The following CLCNKA variants were observed in gnomAD, a reference collection of about 807,000 sequenced individuals.
CLCNKA encodes the protein chloride voltage-gated channel Ka, also known as chloride channel protein ClC-Ka.
Under a neutral mutation model 83.3 loss-of-function variants are expected in CLCNKA, and 66 were observed. The ratio of observed to expected loss-of-function variants is 0.79; its 90% CI spans 0.65 to 0.97. The LOEUF is 0.97. Among genes scored for constraint, CLCNKA ranks in the 50% least tolerant of loss-of-function variants. CLCNKA has a pLI of 0.00. For missense variants in CLCNKA, 806 were observed against 888.7 expected (o/e 0.91, Z 1.18); for synonymous variants, 357 against 370.4 (o/e 0.96, Z 0.42).
chr1:16,022,100 TG>T (rs2022152075), intron 1 of CLCNKA, 37 bp downstream of exon 1: 1 of 152,886 alleles, frequency 6.5e-6, no homozygotes, highest in Non-Finnish European at 1.5e-5. Flanking sequence ...AGTATGAACC[TG>T]GAAGGGCCAG....
At chr1:16,031,203 C>A (rs536524243) in intron 15 of CLCNKA, among the ~76,000 whole-genome samples, 2 of 152,354 alleles carry the variant, frequency 1.3e-5, no homozygotes, top group East Asian at 1.9e-4. Flanking sequence ...CAAACACAAA[C>A]AAGCTGCTGC....
intron 17 of CLCNKA, 30 bp from the exon 18 acceptor site, chr1:16,032,413 C>A (rs1444827401): frequency 1.9e-6 from 3 of 1,592,954 alleles, no homozygotes; most frequent in Non-Finnish European, 2.6e-6. Context: ...GGAGGCCGGC[C>A]CTGCACCCAT....
At chr1:16,029,090 G>A (rs762839030) in intron 11 of CLCNKA, 36 bp from the exon 12 acceptor site, 6 of 1,602,080 alleles carry the variant, frequency 3.7e-6, no homozygotes, top group South Asian at 1.1e-5. Flanking sequence ...GCTGGGGGGG[G>A]CCCCTCATGT....
chr1:16,033,264 G>C lies in CLCNKA; in HGVS notation c.2016+8G>C, dbSNP rs760628466. On this transcript the variant is annotated splice_region_variant and intron_variant, in intron 19 of 19. Transcript: ENST00000331433. ...TGCGTGTCCTGGGTGGAGGTACCAGGGTCCCGGGGGCAGAGCAAAGCAGGG... is the reference window on the plus strand; with the variant it reads ...TGCGTGTCCTGGGTGGAGGTACCAGCGTCCCGGGGGCAGAGCAAAGCAGGG... 2 of 1,614,014 alleles carry C rather than the reference G, an allele frequency of 1.2e-6. No individual in the cohort carries two copies. The highest frequency in any genetic ancestry group is 1.1e-5 in the South Asian group (1 of 91,076).
At position 16,033,160 on chromosome 1, in the gene CLCNKA, C is replaced by T. The variant is rs1156930712; in HGVS notation, c.1930-10C>T. On this transcript the variant is annotated splice_polypyrimidine_tract_variant and intron_variant, in intron 18 of 19. Coordinates refer to ENST00000331433, the MANE Select transcript of CLCNKA (RefSeq NM_004070.4). ...TACCCTCCAGTGTTTCCTAACAATC[C>T]CCCATCCAGGCACAAAACCTCTTTA... 4 of 1,613,950 alleles carry T rather than the reference C, an allele frequency of 2.5e-6. No individual in the cohort carries two copies. The highest frequency in any genetic ancestry group is 2.5e-6 in the Non-Finnish European group (3 of 1,179,844).
chr1:16,025,051 C>T (rs2022294450), intron 4 of CLCNKA, among the ~76,000 whole-genome samples, 160 bp downstream of exon 4: 1 of 152,238 alleles, frequency 6.6e-6, no homozygotes, highest in African/African-American at 2.4e-5. Flanking sequence ...CAGATCTTGA[C>T]TCTTGGGTCA....
At position 16,029,562 on chromosome 1, in the gene CLCNKA, G is replaced by A. The variant is rs1172671617; in HGVS notation, c.1228-169G>A. Among the ~76,000 whole-genome samples the A allele has an allele frequency of 5.3e-5, 8 of 152,186 alleles. No homozygotes were observed. The East Asian group carries it at 1.5e-3, about 29-fold the overall frequency. On this transcript the variant is annotated intron_variant, in intron 12 of 19. Coordinates refer to ENST00000331433, the MANE Select transcript of CLCNKA (RefSeq NM_004070.4). The stretch of plus-strand genomic sequence containing the variant: ...CTGGCACAGTGCCAGGCATACAGTG[G>A]GCATTTCTCAGGGTGAGGACCCTCC...
chr1:16,030,003 G>A lies in CLCNKA; in HGVS notation c.1336G>A (p.Val446Ile), dbSNP rs552991562. 52 of 1,611,214 alleles carry A rather than the reference G, an allele frequency of 3.2e-5. No individual in the cohort carries two copies. The South Asian group carries it at 3.7e-4, about 12-fold the overall frequency. The change falls in exon 14 of 20, where the codon GTC becomes ATC. Residue 446 changes from valine to isoleucine, a missense_variant. Coordinates refer to ENST00000331433, the MANE Select transcript of CLCNKA (RefSeq NM_004070.4). ...IGRLLGEALAVAFPEGIVTGG... is the reference protein window; with the variant it reads ...IGRLLGEALAIAFPEGIVTGG... Reference sequence around the variant, plus strand: ...GCGCCTCTTGGGAGAGGCTCTTGCCGTCGCCTTCCCTGAGGGCATTGTGAC... The same window carrying A: ...GCGCCTCTTGGGAGAGGCTCTTGCCATCGCCTTCCCTGAGGGCATTGTGAC...
In CLCNKA at chr1:16,029,736, G is replaced by A. The variant is rs1326252609; in HGVS notation, c.1233G>A (p.Trp411Ter). Residue 411 changes from tryptophan (W) to a stop codon, truncating the protein, a stop_gained, in exon 13 of 20, where the codon TGG becomes TGA. Transcript: ENST00000331433. LOFTEE classifies it high-confidence loss of function. Reference sequence around the variant, plus strand: ...TGGGCTCCCCCTTCCTGCAGTTCTGGATGCTGATTCTGGCCACCACCATCC... The same window carrying A: ...TGGGCTCCCCCTTCCTGCAGTTCTGAATGCTGATTCTGGCCACCACCATCC... Reference protein sequence around the residue: ...TLAFFLVMKFWMLILATTIPM... With the variant: ...TLAFFLVMKF The A allele has an allele frequency of 6.2e-7, 1 of 1,614,148 alleles. No individual in the cohort carries two copies. Among genetic ancestry groups the A allele is most frequent in the Non-Finnish European group, 8.5e-7 (1 of 1,180,028 alleles).
chr1:16,026,168 A>T lies in CLCNKA; in HGVS notation c.419A>T (p.Asp140Val). 6.2e-7 allele frequency: 1 copy of T among 1,613,680 alleles called. No individual in the cohort carries two copies. The highest frequency in any genetic ancestry group is 8.5e-7 in the Non-Finnish European group (1 of 1,180,022). ...GGTGTGATCTTGGAGGACTACCTGG[A>T]TATCAAGAACTTTGGGGCCAAGGTG... is the stretch of plus-strand genomic sequence containing the variant. The part of the protein sequence containing the change: ...LAGVILEDYL[D>V]IKNFGAKVVG... The change falls in exon 5 of 20, where the codon GAT becomes GTT. Residue 140 changes from aspartate to valine, a missense_variant. By Grantham distance (152) the Asp-to-Val change is radical. Coordinates refer to ENST00000331433, the MANE Select transcript of CLCNKA (RefSeq NM_004070.4).
At chr1:16,031,519 C>T (rs748053449) in intron 15 of CLCNKA, among the ~76,000 whole-genome samples, 191 bp from the exon 16 acceptor site, 21 of 152,166 alleles carry the variant, frequency 1.4e-4, no homozygotes, top group Admixed American at 9.2e-4. Flanking sequence ...ACTGGGCCAT[C>T]AGTAATGTGG....
At chr1:16,032,063 C>A in intron 16 of CLCNKA, 140 bp from the exon 17 acceptor site, 1 of 1,148,826 alleles carries the variant, frequency 8.7e-7, no homozygotes, top group Non-Finnish European at 1.3e-6. Context: ...TAAAGAGAGT[C>A]GGCTGGGTGC....
chr1:16,025,025 C>T, intron 4 of CLCNKA, 134 bp downstream of exon 4: 1 of 1,220,406 alleles, frequency 8.2e-7, no homozygotes, highest in South Asian at 1.3e-5. Flanking sequence ...TGCCTGAAGG[C>T]ACACAGCAAG....
At position 16,027,405 on chromosome 1, in the gene CLCNKA, C is replaced by T. The variant is rs769265907; in HGVS notation, c.751C>T (p.Arg251Trp). 3 of 1,614,056 alleles carry T rather than the reference C, an allele frequency of 1.9e-6. No individual in the cohort carries two copies. The highest frequency in any genetic ancestry group is 2.2e-5 in the East Asian group (1 of 44,864). The change falls in exon 8 of 20, where the codon CGG (arginine) becomes TGG (tryptophan). Residue 251 changes from arginine to tryptophan, a missense_variant. Arg to Trp is a moderately radical substitution (Grantham distance 101). Transcript: ENST00000331433. ...FAATCGAFIF[R>W]LLAVFNSEQE... ...GGCCACCTGCGGGGCCTTCATATTC[C>T]GGCTCCTGGCAGTCTTCAACAGCGA...
intron 14 of CLCNKA, 47 bp from the exon 15 acceptor site, chr1:16,030,414 C>T: frequency 1.9e-6 from 3 of 1,604,272 alleles, no homozygotes; most frequent in African/African-American, 2.7e-5. Context: ...ATCAGGCTGG[C>T]CCCTGCCTCC....
chr1:16,033,510 A>G (rs2022720526), intron 19 of CLCNKA, 101 bp from the exon 20 acceptor site: 2 of 1,060,756 alleles, frequency 1.9e-6, no homozygotes, highest in Non-Finnish European at 2.9e-6. Flanking sequence ...AGGCTCTACT[A>G]TTCAGCCTGG....
Position 16,030,513 on chromosome 1 carries a change from G to A in CLCNKA, c.1461G>A (p.Leu487=), listed in dbSNP as rs753049520. 3.1e-6 allele frequency: 5 copies of A among 1,612,986 alleles called. No individual in the cohort carries two copies. The highest frequency in any genetic ancestry group is 1.1e-5 in the South Asian group (1 of 91,090). ...AVTHTISTAL[L]AFELTGQIVH... is the part of the protein sequence containing the mutation. The stretch of plus-strand genomic sequence containing the variant: ...CCCACACCATCTCCACGGCGCTGCT[G>A]GCCTTTGAGCTGACCGGCCAGATAG... Residue 487 remains leucine, a synonymous_variant, in exon 15 of 20, where the codon CTG becomes CTA. Transcript: ENST00000331433.
At chr1:16,025,529 A>T (rs550471728) in intron 4 of CLCNKA, among the ~76,000 whole-genome samples, 4 of 152,168 alleles carry the variant, frequency 2.6e-5, no homozygotes, top group African/African-American at 9.6e-5. Context: ...CCACCACAAC[A>T]AAAAGTTAGC....
rs773206123 is a variant in CLCNKA, at chr1:16,028,278, T to TC, written c.968+165dup. On this transcript the variant is annotated intron_variant, in intron 10 of 19. Transcript: ENST00000331433. ...CCTCTCCAAGTCCCCACAGTCACTG[T>TC]CCCCCCTTCCTTACTGGGCTACGAA... is the stretch of plus-strand genomic sequence containing the variant. Among the ~76,000 whole-genome samples the TC allele has an allele frequency of 1.3e-3, 186 of 147,732 alleles. 1 individual carries two copies. Among genetic ancestry groups the TC allele is most frequent in the Non-Finnish European group, 9.2e-4 (62 of 67,116 alleles).
Sources: gnomAD v4.1 joint callset for allele counts (sites outside exome capture counted in the v4.1 genomes callset) on GRCh38, gnomAD v4.1.1 for gene constraint, MANE v1.5 for transcripts, NCBI Gene and HGNC (gene_info 2026-07-23, HGNC 2026-07-21) for gene names.